Variants in ANKS1A observed in about 807,000 individuals in gnomAD.
The protein encoded by ANKS1A is ankyrin repeat and SAM domain-containing protein 1A.
ANKS1A carries 55 observed loss-of-function variants against 120.3 expected under a neutral mutation model. The observed-to-expected ratio is 0.46, with a 90% CI of 0.37 to 0.57. ANKS1A has a LOEUF of 0.57. ANKS1A is among the 20% of genes least tolerant of loss of function. ANKS1A has a pLI of 0.00. For synonymous variants in ANKS1A, 590 were observed against 604.7 expected, an observed-to-expected ratio of 0.98 and a Z score of 0.36; for missense variants, 1,123 against 1,480.3, an observed-to-expected ratio of 0.76 and a Z score of 3.96.
At chr6:35,049,397 C>T (rs573414654) in intron 11 of ANKS1A, among the ~76,000 whole-genome samples, 5 of 152,308 alleles carry the variant, frequency 3.3e-5, no homozygotes, top group South Asian at 4.1e-4. Context: ...AACAGCGTGG[C>T]GCAGGGTCCT....
chr6:35,069,160 G>A (rs1363275829), intron 13 of ANKS1A, among the ~76,000 whole-genome samples: 1 of 152,202 alleles, frequency 6.6e-6, no homozygotes, highest in Non-Finnish European at 1.5e-5. Context: ...TGGGCCCTCT[G>A]CCTTTTCCCA....
chr6:34,956,910 A>G (rs868265602), intron 1 of ANKS1A, among the ~76,000 whole-genome samples: 150 of 152,202 alleles, frequency 9.9e-4, no homozygotes, highest in African/African-American at 3.4e-3. Flanking sequence ...GTGGTCTAAC[A>G]CCTCTTTATA....
chr6:34,951,351 T>TA (rs1770084552), intron 1 of ANKS1A, among the ~76,000 whole-genome samples: 2 of 152,176 alleles, frequency 1.3e-5, no homozygotes, highest in Admixed American at 6.5e-5. Flanking sequence ...ATTTGTTGCA[T>TA]AAAATGATCC....
chr6:34,889,692 C>G lies in ANKS1A; in HGVS notation c.197+93C>G. The stretch of plus-strand genomic sequence containing the variant: ...CAGAGAGATCGGGGGTCCTGAGACT[C>G]GGGCGGGGTGGGCTTGTGGCGTGCC... On this transcript the variant is annotated intron_variant, in intron 1 of 23. Transcript: ENST00000360359. This position sits in a 1 kb window ranked among gnomAD's most constrained non-coding sequence, Gnocchi z 5.5. 1 of 1,180,776 alleles carries G rather than the reference C, an allele frequency of 8.5e-7. No homozygotes were observed. The allele number at this position is 1,180,776 out of a possible 1,614,324, so 73.1% of individuals were successfully genotyped here. A position where few individuals can be genotyped will look rare whatever the true frequency, so the allele number is the denominator to read the frequency against.
downstream of ANKS1A, among the ~76,000 whole-genome samples, chr6:35,093,821 C>T (rs779156208): frequency 7.3e-4 from 111 of 152,168 alleles, no homozygotes; most frequent in Non-Finnish European, 8.4e-4. Flanking sequence ...AGCCAAGCAC[C>T]ACAGGAAAAA....
Position 35,082,557 on chromosome 6 carries a change from CT to C in ANKS1A, c.2710-133del, listed in dbSNP as rs1233111239. Reference sequence around the variant, plus strand: ...TGTGTTTGAATTGCTGGTCTGCCCCCTGCCATCTCCACTCGACCCTTGAACT... The same window carrying C: ...TGTGTTTGAATTGCTGGTCTGCCCCCGCCATCTCCACTCGACCCTTGAACT... On this transcript the variant is annotated intron_variant, in intron 17 of 23. Coordinates refer to ENST00000360359, the MANE Select transcript of ANKS1A (RefSeq NM_015245.3). The surrounding 1 kb of genome is among the most constrained non-coding windows in gnomAD (Gnocchi z 4.1). 8.6e-6 allele frequency: 10 copies of C among 1,167,378 alleles called. No individual in the cohort carries two copies. Among genetic ancestry groups the C allele is most frequent in the Admixed American group, 5.7e-5 (2 of 35,172 alleles). The allele number at this position is 1,167,378 out of a possible 1,614,324, so 72.3% of individuals were successfully genotyped here. A position where few individuals can be genotyped will look rare whatever the true frequency, so the allele number is the denominator to read the frequency against.
At chr6:35,067,885 AATTT>A (rs56087590) in intron 13 of ANKS1A, among the ~76,000 whole-genome samples, 28,383 of 114,996 alleles carry the variant, frequency 0.25, 2,420 homozygotes, top group Admixed American at 0.27. Flanking sequence ...CTTCATTTTC[AATTT>A]TTTTTTTTTT....
intron 2 of ANKS1A, among the ~76,000 whole-genome samples, chr6:34,968,862 T>A (rs951996982): frequency 6.6e-6 from 1 of 152,208 alleles, no homozygotes; most frequent in Non-Finnish European, 1.5e-5. Flanking sequence ...CCACCCTAAT[T>A]GACTCCAACA....
chr6:35,087,182 G>T, intron 23 of ANKS1A, 133 bp downstream of exon 23: 1 of 877,610 alleles, frequency 1.1e-6, no homozygotes. Flanking sequence ...CACCTGCACT[G>T]GGACCTGCTC....
intron 11 of ANKS1A, among the ~76,000 whole-genome samples, chr6:35,023,052 G>C (rs576846902): frequency 1.1e-4 from 17 of 152,242 alleles, no homozygotes; most frequent in East Asian, 9.6e-4. Flanking sequence ...CTGCTTATGT[G>C]TCGTGCATTA....
chr6:34,999,824 C>G (rs1005128532), intron 10 of ANKS1A, among the ~76,000 whole-genome samples: 1 of 151,426 alleles, frequency 6.6e-6, no homozygotes, highest in Non-Finnish European at 1.5e-5. Flanking sequence ...CAAGGAAAGA[C>G]CAGCAGAGAG....
intron 1 of ANKS1A, among the ~76,000 whole-genome samples, chr6:34,949,375 T>C (rs1321913563): frequency 6.6e-6 from 1 of 152,178 alleles, no homozygotes; most frequent in Non-Finnish European, 1.5e-5. Flanking sequence ...CATGTCAGGC[T>C]AAGAAGTTTT....
At chr6:35,009,517 C>G (rs1773629440) in intron 10 of ANKS1A, among the ~76,000 whole-genome samples, 1 of 152,112 alleles carries the variant, frequency 6.6e-6, no homozygotes, top group Non-Finnish European at 1.5e-5. Context: ...GAAGATACTT[C>G]ATAAACACTT....
At chr6:35,016,486 A>G (rs1581648903) in intron 10 of ANKS1A, among the ~76,000 whole-genome samples, 1 of 152,282 alleles carries the variant, frequency 6.6e-6, no homozygotes, top group East Asian at 1.9e-4. Context: ...CATGCAAGGA[A>G]AGCCCCTGGG....
chr6:35,033,994 G>A (rs1775034193), intron 11 of ANKS1A, among the ~76,000 whole-genome samples: 2 of 152,296 alleles, frequency 1.3e-5, no homozygotes, highest in South Asian at 4.1e-4. Context: ...CATTTACTCA[G>A]CACCTACTAT....
chr6:34,967,502 A>G (rs550382531), intron 2 of ANKS1A, among the ~76,000 whole-genome samples, 183 bp downstream of exon 2: 26 of 150,868 alleles, frequency 1.7e-4, no homozygotes, highest in South Asian at 1.3e-3. Flanking sequence ...CCTGGGCAAC[A>G]AAGCAAGCCT....
chr6:35,080,928 G>A, intron 16 of ANKS1A, 66 bp from the exon 17 acceptor site: 1 of 1,564,322 alleles, frequency 6.4e-7, no homozygotes, highest in Non-Finnish European at 8.7e-7. Flanking sequence ...AGTGGGGCTG[G>A]CTGATACCTG....
chr6:34,959,147 C>T (rs764715875), intron 1 of ANKS1A, among the ~76,000 whole-genome samples: 1 of 152,248 alleles, frequency 6.6e-6, no homozygotes, highest in African/African-American at 2.4e-5. Context: ...TCTGACCTCA[C>T]GCACATGAAA....
intron 1 of ANKS1A, among the ~76,000 whole-genome samples, chr6:34,942,208 A>G (rs1282056856): frequency 6.6e-6 from 1 of 152,202 alleles, no homozygotes; most frequent in Non-Finnish European, 1.5e-5. Context: ...TTTGAGCGCT[A>G]GGCCAAACCT....
Sources: gnomAD v4.1 joint callset for allele counts (sites outside exome capture counted in the v4.1 genomes callset) on GRCh38, gnomAD v4.1.1 for gene constraint, Gnocchi (gnomAD v3.1) non-coding constraint, MANE v1.5 for transcripts, NCBI Gene and HGNC (gene_info 2026-07-23, HGNC 2026-07-21) for gene names.